PAPSS1: variants seen among roughly 807,000 people sequenced by gnomAD.
PAPSS1 encodes 3'-phosphoadenosine 5'-phosphosulfate synthase 1, also known as bifunctional 3'-phosphoadenosine 5'-phosphosulfate synthase 1.
Under a neutral mutation model 72.0 loss-of-function variants are expected in PAPSS1, and 50 were observed. That is an observed-to-expected ratio of 0.69 (90% CI 0.55 to 0.88). The LOEUF is 0.88. PAPSS1 is among the 40% of genes least tolerant of loss of function. The pLI is 0.00. For synonymous variants in PAPSS1, 261 were observed against 263.6 expected (o/e 0.99, Z 0.09); for missense variants, 657 against 782.2 (o/e 0.84, Z 1.91).
At chr4:107,628,529 T>C (rs1211509350) in intron 11 of PAPSS1, among the ~76,000 whole-genome samples, 1 of 152,200 alleles carries the variant, frequency 6.6e-6, no homozygotes, top group Non-Finnish European at 1.5e-5. Flanking sequence ...AGACTAATGG[T>C]TACTAGGCCA....
chr4:107,719,187 G>T (rs201871810), intron 1 of PAPSS1, among the ~76,000 whole-genome samples: 17 of 146,452 alleles, frequency 1.2e-4, no homozygotes, highest in South Asian at 2.1e-4. Context: ...GAAATTGCTT[G>T]TTTTTTTTTT....
intron 3 of PAPSS1, among the ~76,000 whole-genome samples, chr4:107,692,148 C>T (rs1386228266): frequency 6.6e-6 from 1 of 152,018 alleles, no homozygotes; most frequent in African/African-American, 2.4e-5. Context: ...GATTTCATGA[C>T]AAAAACATCA....
chr4:107,638,736 A>C (rs1284586769), intron 10 of PAPSS1, among the ~76,000 whole-genome samples: 6 of 152,226 alleles, frequency 3.9e-5, no homozygotes, highest in Non-Finnish European at 8.8e-5. Context: ...AGGTCCTTCA[A>C]CAGGGTGAGA....
intron 9 of PAPSS1, among the ~76,000 whole-genome samples, chr4:107,651,003 A>T (rs1248967816): frequency 6.6e-6 from 1 of 152,216 alleles, no homozygotes; most frequent in Non-Finnish European, 1.5e-5. Flanking sequence ...ATCATTATTA[A>T]CTTGTATCAA....
chr4:107,614,664 C>T (rs966662279), intron 11 of PAPSS1, among the ~76,000 whole-genome samples: 5 of 152,126 alleles, frequency 3.3e-5, no homozygotes, highest in Non-Finnish European at 5.9e-5. Flanking sequence ...TAGCCAGTCA[C>T]CATTGTACCC....
chr4:107,620,629 T>C lies in PAPSS1; in HGVS notation c.1737-6242A>G, dbSNP rs181255701. ...TGTACTGGAAAATCAACTCAATTTC[T>C]CAACAGAGATGATTTTTGCCATCCT... is the stretch of plus-strand genomic sequence containing the variant. On this transcript the variant is annotated intron_variant, in intron 11 of 11. Coordinates refer to ENST00000265174, the MANE Select transcript of PAPSS1 (RefSeq NM_005443.5). 8.5e-4 allele frequency among the ~76,000 whole-genome samples: 130 copies of C among 152,254 alleles called. 2 individuals are homozygous for C. Among genetic ancestry groups the C allele is most frequent in the Admixed American group, 7.5e-3 (114 of 15,302 alleles).
rs1267747020 is a variant in PAPSS1 at position 107,653,509 on chromosome 4, A to C, written c.1219T>G (p.Phe407Val). ...RLTPTELKQK[F>V]KDMNADAVFA... ...GTCTTACCAGCATTCATATCTTTAA[A>C]TTTCTGCTTTAGCTCAGTAGGAGTA... The change falls in exon 9 of 12, where the codon TTT (phenylalanine) becomes GTT (valine). Residue 407 changes from phenylalanine (F) to valine (V), a missense_variant. Phe to Val is a conservative substitution (Grantham distance 50, BLOSUM62 -1). Around this residue, in one of 7 missense-constraint regions of PAPSS1, gnomAD observed 166 missense variants for 228.3 expected, o/e 0.73. Coordinates refer to ENST00000265174, the MANE Select transcript of PAPSS1 (RefSeq NM_005443.5). 1 of 1,611,586 alleles carries C rather than the reference A, an allele frequency of 6.2e-7. No homozygotes were observed. The highest frequency in any genetic ancestry group is 8.5e-7 in the Non-Finnish European group (1 of 1,179,050).
intron 11 of PAPSS1, among the ~76,000 whole-genome samples, chr4:107,621,762 A>T (rs1454392276): frequency 6.6e-6 from 1 of 151,388 alleles, no homozygotes; most frequent in Non-Finnish European, 1.5e-5. Context: ...CTGGGACTAC[A>T]GGTGCCTGCC....
chr4:107,621,521 ACCC>A, intron 11 of PAPSS1, among the ~76,000 whole-genome samples: 1 of 147,010 alleles, frequency 6.8e-6, no homozygotes, highest in African/African-American at 2.5e-5. Flanking sequence ...TACTCCATTT[ACCC>A]CTTATTCACC....
rs2110336606 is a variant in PAPSS1 at position 107,682,164 on chromosome 4, T to G, written c.551-31A>C. ...AAAGGTAACAGATAATAGAGTAGGGTGGAAAATAAAATTAAAATAGTTTAT... is the reference window on the plus strand; with the variant it reads ...AAAGGTAACAGATAATAGAGTAGGGGGGAAAATAAAATTAAAATAGTTTAT... On this transcript the variant is annotated intron_variant, in intron 4 of 11. Coordinates refer to ENST00000265174, the MANE Select transcript of PAPSS1 (RefSeq NM_005443.5). 4 of 1,095,876 alleles carry G rather than the reference T, an allele frequency of 3.7e-6. No individual in the cohort carries two copies. The East Asian group carries it at 9.5e-5, about 26-fold the overall frequency. The allele number at this position is 1,095,876 out of a possible 1,614,324, so 67.9% of individuals were successfully genotyped here.
At chr4:107,680,475 T>C (rs918935670) in intron 5 of PAPSS1, among the ~76,000 whole-genome samples, 1 of 152,170 alleles carries the variant, frequency 6.6e-6, no homozygotes, top group South Asian at 2.1e-4. Flanking sequence ...AAGTATTTTC[T>C]AAAAATGAAC....
intron 9 of PAPSS1, among the ~76,000 whole-genome samples, chr4:107,648,237 A>G (rs1020984956): frequency 6.6e-6 from 1 of 152,196 alleles, no homozygotes; most frequent in Non-Finnish European, 1.5e-5. Context: ...TTCTGAGCAT[A>G]TATGTGTGAC....
chr4:107,631,563 G>T, intron 11 of PAPSS1, 68 bp downstream of exon 11: 2 of 1,108,626 alleles, frequency 1.8e-6, no homozygotes, highest in Non-Finnish European at 2.7e-6. Flanking sequence ...TAGACAATAA[G>T]CTAAATCCCT....
At chr4:107,635,011 G>A (rs1415831802) in intron 10 of PAPSS1, among the ~76,000 whole-genome samples, 6 of 151,976 alleles carry the variant, frequency 3.9e-5, no homozygotes, top group Admixed American at 2.6e-4. Flanking sequence ...TGTTAGCCAG[G>A]ATGGTCTCGA....
intron 4 of PAPSS1, among the ~76,000 whole-genome samples, chr4:107,684,461 A>C (rs536197798): frequency 7.2e-5 from 11 of 152,278 alleles, no homozygotes; most frequent in Non-Finnish European, 1.5e-4. Context: ...TTGCACCTTT[A>C]AAGAATCTTT....
chr4:107,646,954 A>G (rs1175802703), intron 9 of PAPSS1, among the ~76,000 whole-genome samples: 2 of 152,150 alleles, frequency 1.3e-5, no homozygotes, highest in Non-Finnish European at 2.9e-5. Flanking sequence ...TTTGCAGCAC[A>G]CTAATTACCA....
At chr4:107,642,872 T>A (rs1179600222) in intron 10 of PAPSS1, among the ~76,000 whole-genome samples, 1 of 152,178 alleles carries the variant, frequency 6.6e-6, no homozygotes, top group African/African-American at 2.4e-5. Context: ...ATCAAAAAAC[T>A]GACTGGTCGA....
At chr4:107,664,612 G>A (rs1727267783) in intron 5 of PAPSS1, among the ~76,000 whole-genome samples, 1 of 151,746 alleles carries the variant, frequency 6.6e-6, no homozygotes, top group Non-Finnish European at 1.5e-5. Context: ...ACTAACGAAT[G>A]TTTCTATAGA....
chr4:107,678,515 A>G (rs1164698867), intron 5 of PAPSS1, among the ~76,000 whole-genome samples: 3 of 152,190 alleles, frequency 2.0e-5, no homozygotes, highest in Non-Finnish European at 4.4e-5. Flanking sequence ...TCCCACCAAG[A>G]AAAGACCAGG....
Sources: gnomAD v4.1 joint callset for allele counts (sites outside exome capture counted in the v4.1 genomes callset) on GRCh38, gnomAD v4.1.1 for gene constraint, gnomAD v4.1.1 regional missense constraint, MANE v1.5 for transcripts, NCBI Gene and HGNC (gene_info 2026-07-23, HGNC 2026-07-21) for gene names.